The following ZNF573 variants were observed in gnomAD, a reference collection of about 807,000 sequenced individuals.
The protein encoded by ZNF573 is zinc finger protein 573.
A neutral mutation model predicts 57.4 loss-of-function variants in ZNF573; 41 were observed. That is an observed-to-expected ratio of 0.71 (90% CI 0.56 to 0.93). The LOEUF (loss-of-function observed/expected upper bound fraction) is 0.93. ZNF573 is among the 40% of genes least tolerant of loss of function. The pLI is 0.00. For missense variants in ZNF573, 730 were observed against 794.8 expected, an observed-to-expected ratio of 0.92 and a Z score of 0.98; for synonymous variants, 249 against 261.0, an observed-to-expected ratio of 0.95 and a Z score of 0.44.
intron 4 of ZNF573, among the ~76,000 whole-genome samples, chr19:37,769,589 G>A (rs113602934): frequency 1.3e-4 from 20 of 151,604 alleles, no homozygotes; most frequent in African/African-American, 4.8e-4. Context: ...AGCTGGGCAC[G>A]GTGGCACACG....
At chr19:37,772,979 A>AT in intron 2 of ZNF573, 1 of 984,916 alleles carries the variant, frequency 1.0e-6, no homozygotes, top group Non-Finnish European at 1.2e-6. Flanking sequence ...GGTCTTCCCC[A>AT]GTTCTGGAAA....
chr19:37,776,661 G>A (rs1212331225), intron 1 of ZNF573, among the ~76,000 whole-genome samples: 1 of 152,128 alleles, frequency 6.6e-6, no homozygotes, highest in Admixed American at 6.6e-5. Flanking sequence ...AAAAGCTTCT[G>A]CACAGCAAAA....
chr19:37,757,584 A>G (rs1337106303), intron 4 of ZNF573, among the ~76,000 whole-genome samples: 1 of 152,112 alleles, frequency 6.6e-6, no homozygotes, highest in African/African-American at 2.4e-5. Flanking sequence ...TTACTTTTAC[A>G]CTGTTGGTGG....
intron 4 of ZNF573, among the ~76,000 whole-genome samples, chr19:37,743,228 G>A (rs1285130494): frequency 6.7e-6 from 1 of 149,672 alleles, no homozygotes; most frequent in Admixed American, 6.8e-5. Flanking sequence ...GCTGAGGCAG[G>A]AGAATCACTT....
At chr19:37,770,832 T>TTTTATATATA (rs1555745090) in intron 3 of ZNF573, among the ~76,000 whole-genome samples, 1 of 93,748 alleles carries the variant, frequency 1.1e-5, no homozygotes, top group Non-Finnish European at 1.8e-5. Flanking sequence ...TTAAGTTATT[T>TTTTATATATA]TATATATATA....
At chr19:37,763,041 GGGATTACA>G (rs2045567329) in intron 4 of ZNF573, among the ~76,000 whole-genome samples, 2 of 151,900 alleles carry the variant, frequency 1.3e-5, no homozygotes, top group Admixed American at 1.3e-4. Context: ...CCAAAGTGCT[GGGATTACA>G]GGCATGAGCC....
intron 4 of ZNF573, among the ~76,000 whole-genome samples, chr19:37,754,375 C>G (rs1166351204): frequency 1.3e-5 from 2 of 151,896 alleles, no homozygotes; most frequent in East Asian, 3.9e-4. Flanking sequence ...CAAAAATTAG[C>G]CGGGTGCAGT....
Position 37,739,194 on chromosome 19 carries a change from ATGT to A in ZNF573, c.1293_1295del (p.Gln431del), listed in dbSNP as rs1230872119. On this transcript the variant is annotated inframe_deletion, in exon 5 of 5. Coordinates refer to ENST00000536220, the MANE Select transcript of ZNF573 (RefSeq NM_001172690.2). ...GTTTCATGCCAGTATGAATTTTCTG[ATGT>A]TGTTTAAGGTAGCCATACAAGCTAA... 1 of 1,612,632 alleles carries A rather than the reference ATGT, an allele frequency of 6.2e-7. No homozygotes were observed. Among genetic ancestry groups the A allele is most frequent in the African/African-American group, 1.3e-5 (1 of 74,738 alleles).
chr19:37,753,274 A>G (rs970925608), intron 4 of ZNF573, among the ~76,000 whole-genome samples: 1 of 152,134 alleles, frequency 6.6e-6, no homozygotes, highest in African/African-American at 2.4e-5. Context: ...TATGGGGTAT[A>G]TGAGATATTT....
intron 4 of ZNF573, among the ~76,000 whole-genome samples, chr19:37,754,370 AT>A (rs1430344378): frequency 1.3e-5 from 2 of 152,016 alleles, no homozygotes; most frequent in Non-Finnish European, 2.9e-5. Flanking sequence ...AAATACAAAA[AT>A]TAGCCGGGTG....
chr19:37,758,194 T>TATA, intron 4 of ZNF573, among the ~76,000 whole-genome samples: 1 of 19,870 alleles, frequency 5.0e-5, no homozygotes, highest in Non-Finnish European at 1.8e-4. Context: ...GAACTTAAAG[T>TATA]ATAATAAAAT....
At chr19:37,752,018 C>T (rs1463241081) in intron 4 of ZNF573, among the ~76,000 whole-genome samples, 2 of 147,856 alleles carry the variant, frequency 1.4e-5, no homozygotes, top group South Asian at 4.2e-4. Flanking sequence ...GTACATAGTA[C>T]CGTATATATA....
chr19:37,767,943 G>A (rs1394655586), intron 4 of ZNF573, among the ~76,000 whole-genome samples: 1 of 152,172 alleles, frequency 6.6e-6, no homozygotes, highest in African/African-American at 2.4e-5. Context: ...CACTTAGCAG[G>A]AGGAAGGAGA....
At chr19:37,761,953 C>T (rs556836581) in intron 4 of ZNF573, among the ~76,000 whole-genome samples, 3 of 152,196 alleles carry the variant, frequency 2.0e-5, no homozygotes, top group East Asian at 3.9e-4. Context: ...TTCCTTGGCC[C>T]GGACAGATAC....
Position 37,738,895 on chromosome 19 carries a change from C to G in ZNF573, c.1595G>C (p.Arg532Thr). ...GMKPYECKVCRKTFTFYRNLT... is the reference protein window; with the variant it reads ...GMKPYECKVCTKTFTFYRNLT... ...ATTTCTATAGAAAGTAAAGGTTTTT[C>G]TACATACCTTACATTCATAGGGTTT... The change falls in exon 5 of 5, where the codon AGA (arginine) becomes ACA (threonine). Residue 532 changes from arginine to threonine, a missense_variant. Physicochemically the swap from Arg to Thr is moderately conservative, Grantham distance 71 (BLOSUM62 -1). Coordinates refer to ENST00000536220, the MANE Select transcript of ZNF573 (RefSeq NM_001172690.2). 1.9e-6 allele frequency: 3 copies of G among 1,608,904 alleles called. No homozygotes were observed. Among genetic ancestry groups the G allele is most frequent in the Non-Finnish European group, 2.5e-6 (3 of 1,177,336 alleles).
In ZNF573 at chr19:37,739,160, A is replaced by G. The variant is rs1184430575; in HGVS notation, c.1330T>C (p.Cys444Arg). Reference protein sequence around the residue: ...KIHTGMKHFECKECKKTFTLY... With the variant: ...KIHTGMKHFERKECKKTFTLY... Reference sequence around the variant, plus strand: ...GTAAAGGTTTTTTTACACTCCTTACATTCAAAGTGTTTCATGCCAGTATGA... The same window carrying G: ...GTAAAGGTTTTTTTACACTCCTTACGTTCAAAGTGTTTCATGCCAGTATGA... Residue 444 changes from cysteine (C) to arginine (R), a missense_variant, in exon 5 of 5, where the codon TGT becomes CGT. By Grantham distance (180) the Cys-to-Arg change is radical (BLOSUM62 -3). Coordinates refer to ENST00000536220, the MANE Select transcript of ZNF573 (RefSeq NM_001172690.2). The G allele has an allele frequency of 5.0e-6, 8 of 1,613,472 alleles. No individual in the cohort carries two copies. Among genetic ancestry groups the G allele is most frequent in the Non-Finnish European group, 6.8e-6 (8 of 1,179,842 alleles).
chr19:37,758,203 ATATATATATATATAT>A (rs1408866089), intron 4 of ZNF573, among the ~76,000 whole-genome samples: 1,570 of 52,024 alleles, frequency 0.03, 265 homozygotes, highest in South Asian at 0.055. Flanking sequence ...GTATAATAAA[ATATATATATATATAT>A]ATATATATAT....
intron 4 of ZNF573, among the ~76,000 whole-genome samples, chr19:37,740,899 A>C (rs896445319): frequency 1.3e-5 from 2 of 152,220 alleles, no homozygotes; most frequent in Admixed American, 1.3e-4. Context: ...ACAATACCCA[A>C]TACAATGTAA....
intron 4 of ZNF573, among the ~76,000 whole-genome samples, chr19:37,747,705 GTCTT>G (rs2045394448): frequency 6.6e-6 from 1 of 151,940 alleles, no homozygotes; most frequent in Non-Finnish European, 1.5e-5. Flanking sequence ...CTCTCTTACA[GTCTT>G]TCTTTTTTTT....
Sources: allele counts gnomAD v4.1 joint callset (sites outside exome capture counted in the v4.1 genomes callset), GRCh38; gene constraint gnomAD v4.1.1; transcripts MANE v1.5; gene names NCBI Gene and HGNC (gene_info 2026-07-23, HGNC 2026-07-21).